Variants in NUDT3 observed in about 807,000 individuals in gnomAD.
NUDT3 encodes nudix hydrolase 3.
NUDT3 carries 9 observed loss-of-function variants against 23.6 expected under a neutral mutation model. The ratio of observed to expected loss-of-function variants is 0.38; its 90% CI spans 0.23 to 0.66. The LOEUF is 0.66. Among genes scored for constraint, NUDT3 ranks in the 30% least tolerant of loss-of-function variants. The probability of loss-of-function intolerance (pLI) is 0.52; values close to 1 mark genes in which losing one functional copy is unlikely to be tolerated. For synonymous variants in NUDT3, 86 were observed against 82.6 expected, an observed-to-expected ratio of 1.04 and a Z score of -0.22; for missense variants, 172 against 218.5, an observed-to-expected ratio of 0.79 and a Z score of 1.34.
chr6:34,392,602 C>G lies in NUDT3; in HGVS notation c.-240G>C, dbSNP rs1765227759. Reference sequence around the variant, plus strand: ...GTCTCCGCTGCCGCCAGGGCCGCCGCCCCCTCTGCCGCCGCCACCCCCGAC... The same window carrying G: ...GTCTCCGCTGCCGCCAGGGCCGCCGGCCCCTCTGCCGCCGCCACCCCCGAC... On this transcript the variant is annotated 5_prime_UTR_variant, in exon 1 of 5. Coordinates refer to ENST00000607016, the MANE Select transcript of NUDT3 (RefSeq NM_006703.4). The G allele has an allele frequency of 3.4e-6, 1 of 295,806 alleles. No individual in the cohort carries two copies. Among genetic ancestry groups the G allele is most frequent in the Admixed American group, 5.2e-5 (1 of 19,070 alleles). 18.3% of individuals were successfully genotyped at this position (295,806 alleles called of 1,614,324 possible). A position where few individuals can be genotyped will look rare whatever the true frequency, so the allele number is the denominator to read the frequency against.
At chr6:34,296,481 G>T (rs1763500875) in intron 2 of NUDT3, among the ~76,000 whole-genome samples, 1 of 149,068 alleles carries the variant, frequency 6.7e-6, no homozygotes, top group South Asian at 2.1e-4. Flanking sequence ...GGCTGAGGTG[G>T]GAGGGTTGTT....
intron 1 of NUDT3, among the ~76,000 whole-genome samples, chr6:34,383,280 G>A (rs929271188): frequency 1.3e-5 from 2 of 152,012 alleles, no homozygotes; most frequent in African/African-American, 2.4e-5. Context: ...TAACCAAGCC[G>A]AAGAAAAGAT....
intron 1 of NUDT3, among the ~76,000 whole-genome samples, chr6:34,375,681 C>T (rs1271297162): frequency 6.6e-6 from 1 of 152,204 alleles, no homozygotes; most frequent in African/African-American, 2.4e-5. Context: ...CAATATAACT[C>T]AGACTCTTGG....
intron 1 of NUDT3, among the ~76,000 whole-genome samples, chr6:34,354,430 TAC>T (rs1764527845): frequency 7.4e-6 from 1 of 135,904 alleles, no homozygotes; most frequent in South Asian, 2.6e-4. Flanking sequence ...CACACACACA[TAC>T]ACACTCTTGG....
intron 1 of NUDT3, among the ~76,000 whole-genome samples, chr6:34,390,752 T>C (rs375321303): frequency 9.2e-5 from 14 of 152,172 alleles, no homozygotes; most frequent in African/African-American, 3.1e-4. Flanking sequence ...CATACTAGTG[T>C]AGTAAGACAT....
At chr6:34,298,910 G>A (rs1030038908) in intron 2 of NUDT3, among the ~76,000 whole-genome samples, 20 of 152,244 alleles carry the variant, frequency 1.3e-4, no homozygotes, top group African/African-American at 4.8e-4. Context: ...ACTTTTCTCA[G>A]GAAGAGGTCC....
chr6:34,297,510 C>A (rs1464105817), intron 2 of NUDT3, among the ~76,000 whole-genome samples: 1 of 150,422 alleles, frequency 6.6e-6, no homozygotes, highest in African/African-American at 2.4e-5. Flanking sequence ...GCTGTTGGGG[C>A]AGATGAGAGC....
chr6:34,295,582 T>G, intron 3 of NUDT3, 59 bp downstream of exon 3: 3 of 1,576,556 alleles, frequency 1.9e-6, no homozygotes, highest in Non-Finnish European at 2.6e-6. Flanking sequence ...TTTTCCTATG[T>G]TAATATCTGT....
At chr6:34,346,147 A>G (rs1764365574) in intron 1 of NUDT3, among the ~76,000 whole-genome samples, 1 of 152,208 alleles carries the variant, frequency 6.6e-6, no homozygotes, top group Non-Finnish European at 1.5e-5. Flanking sequence ...ACATTTTACA[A>G]CATTCTTTAT....
intron 2 of NUDT3, among the ~76,000 whole-genome samples, chr6:34,315,786 C>A (rs911033864): frequency 5.3e-5 from 8 of 152,178 alleles, no homozygotes; most frequent in African/African-American, 1.9e-4. Flanking sequence ...TCTCTATACA[C>A]AACAGGCATA....
At chr6:34,316,417 G>C (rs1217824517) in intron 2 of NUDT3, among the ~76,000 whole-genome samples, 1 of 152,158 alleles carries the variant, frequency 6.6e-6, no homozygotes, top group Non-Finnish European at 1.5e-5. Context: ...TCATCTAAAG[G>C]ACAGGACTGC....
At chr6:34,297,708 C>A (rs1358202636) in intron 2 of NUDT3, among the ~76,000 whole-genome samples, 1 of 126,926 alleles carries the variant, frequency 7.9e-6, no homozygotes, top group Admixed American at 8.3e-5. Flanking sequence ...ATCACTACAC[C>A]CGGCTAATGT....
At chr6:34,313,620 C>G (rs1211412125) in intron 2 of NUDT3, among the ~76,000 whole-genome samples, 1 of 151,624 alleles carries the variant, frequency 6.6e-6, no homozygotes, top group Non-Finnish European at 1.5e-5. Context: ...TATGGGAACT[C>G]TGTGTGGTTT....
rs117409255 is a variant in NUDT3, at chr6:34,374,765, A to G, written c.99+17499T>C. Reference sequence around the variant, plus strand: ...CTTCTGTGGTTCCTGCCTTCGTTACAGCACCAACTATGTTATCTGGGAGGC... The same window carrying G: ...CTTCTGTGGTTCCTGCCTTCGTTACGGCACCAACTATGTTATCTGGGAGGC... On this transcript the variant is annotated intron_variant, in intron 1 of 4. Coordinates refer to ENST00000607016, the MANE Select transcript of NUDT3 (RefSeq NM_006703.4). Among the ~76,000 whole-genome samples the G allele has an allele frequency of 6.9e-4, 105 of 152,248 alleles. 3 individuals are homozygous for G. The East Asian group carries it at 0.014, about 21-fold the overall frequency.
At chr6:34,314,390 TAAA>T (rs5875502) in intron 2 of NUDT3, among the ~76,000 whole-genome samples, 11 of 123,938 alleles carry the variant, frequency 8.9e-5, no homozygotes, top group Admixed American at 3.2e-4. Flanking sequence ...CTGTCTCTAC[TAAA>T]AAAAAAAAAA....
chr6:34,300,280 C>T (rs1763579979), intron 2 of NUDT3, among the ~76,000 whole-genome samples: 1 of 152,218 alleles, frequency 6.6e-6, no homozygotes, highest in Non-Finnish European at 1.5e-5. Flanking sequence ...GGACCGTCAT[C>T]TTCTGAAACC....
intron 2 of NUDT3, among the ~76,000 whole-genome samples, chr6:34,335,667 T>C (rs1355301193): frequency 6.6e-6 from 1 of 151,344 alleles, no homozygotes; most frequent in Non-Finnish European, 1.5e-5. Context: ...TTAAAGACTC[T>C]AAAACATCTT....
At chr6:34,374,618 G>A (rs1024196159) in intron 1 of NUDT3, among the ~76,000 whole-genome samples, 23 of 151,796 alleles carry the variant, frequency 1.5e-4, no homozygotes, top group African/African-American at 5.1e-4. Flanking sequence ...TAGTCCTTTC[G>A]CACTGTGTCT....
intron 1 of NUDT3, among the ~76,000 whole-genome samples, chr6:34,351,921 T>C (rs144955570): frequency 4.4e-4 from 67 of 151,532 alleles, no homozygotes; most frequent in African/African-American, 1.5e-3. Flanking sequence ...AACAAATATT[T>C]AAGATGTATA....
Sources: gnomAD v4.1 joint callset for allele counts (sites outside exome capture counted in the v4.1 genomes callset) on GRCh38, gnomAD v4.1.1 for gene constraint, MANE v1.5 for transcripts, NCBI Gene and HGNC (gene_info 2026-07-23, HGNC 2026-07-21) for gene names.